Variants in CSMD1 observed in about 807,000 individuals in gnomAD.
The protein encoded by CSMD1 is CUB and sushi domain-containing protein 1.
CSMD1 carries 213 observed loss-of-function variants against 417.5 expected under a neutral mutation model. That is an observed-to-expected ratio of 0.51 (90% CI 0.46 to 0.57). The LOEUF (loss-of-function observed/expected upper bound fraction) is 0.57, where lower values mean the gene tolerates loss of function less well. Ranked by LOEUF, CSMD1 falls within the 20% of genes least tolerant of loss-of-function variation. The pLI, the probability that CSMD1 is intolerant of heterozygous loss-of-function variation, is 0.00. For synonymous variants in CSMD1, 2,862 were observed against 1,736.8 expected, an observed-to-expected ratio of 1.65 and a Z score of -16.11; for missense variants, 6,923 against 4,529.7, an observed-to-expected ratio of 1.53 and a Z score of -15.17.
chr8:2,940,891 T>C (rs1256776038), intron 69 of CSMD1, among the ~76,000 whole-genome samples: 1 of 152,186 alleles, frequency 6.6e-6, no homozygotes, highest in Admixed American at 6.5e-5. Context: ...AGTTCCTACA[T>C]ATGTGTCTCT....
At chr8:4,612,547 C>A (rs1205508103) in intron 2 of CSMD1, among the ~76,000 whole-genome samples, 1 of 152,124 alleles carries the variant, frequency 6.6e-6, no homozygotes, top group Non-Finnish European at 1.5e-5. Flanking sequence ...TTTCTCCACA[C>A]CGAGGAACTG....
chr8:4,512,458 A>G (rs1563245652), intron 2 of CSMD1, among the ~76,000 whole-genome samples: 1 of 152,180 alleles, frequency 6.6e-6, no homozygotes, highest in Non-Finnish European at 1.5e-5. Flanking sequence ...AATAAATGGA[A>G]TACAGATAGA....
chr8:4,928,868 G>T (rs775428789), intron 1 of CSMD1, among the ~76,000 whole-genome samples: 1 of 152,028 alleles, frequency 6.6e-6, no homozygotes, highest in Non-Finnish European at 1.5e-5. Flanking sequence ...TTGGGAGTTC[G>T]AGACCAGCCT....
At chr8:3,664,268 G>C (rs888328074) in intron 7 of CSMD1, among the ~76,000 whole-genome samples, 5 of 150,900 alleles carry the variant, frequency 3.3e-5, no homozygotes, top group South Asian at 4.1e-4. Flanking sequence ...CCACCTATGA[G>C]AGAGAACATG....
At chr8:4,921,859 A>T (rs1806519842) in intron 1 of CSMD1, among the ~76,000 whole-genome samples, 1 of 152,198 alleles carries the variant, frequency 6.6e-6, no homozygotes. Flanking sequence ...ATCTGAGAGA[A>T]AACCCAAGAG....
chr8:4,376,388 A>G (rs907220372), intron 3 of CSMD1, among the ~76,000 whole-genome samples: 26 of 152,140 alleles, frequency 1.7e-4, no homozygotes, highest in African/African-American at 5.8e-4. Flanking sequence ...ACCATATGTA[A>G]CCCGTGCTGT....
intron 18 of CSMD1, among the ~76,000 whole-genome samples, chr8:3,372,056 C>T (rs946073671): frequency 6.6e-6 from 1 of 152,074 alleles, no homozygotes; most frequent in Admixed American, 6.5e-5. Context: ...CCTGTAACAA[C>T]ATAAAAGGCA....
rs1380813236 is a variant in CSMD1 at position 4,820,475 on chromosome 8, A to G, written c.85+173857T>C. On this transcript the variant is annotated intron_variant, in intron 1 of 69. Transcript: ENST00000635120. ...ACTGGTTTTCCTGTCAATGTTAACA[A>G]AAAGCCTACCAAAGAGCCATAAGGA... 4.6e-5 allele frequency among the ~76,000 whole-genome samples: 7 copies of G among 152,312 alleles called. No individual in the cohort carries two copies. In the East Asian group the frequency reaches 1.4e-3, roughly 29 times the overall value.
At chr8:4,322,984 CA>C (rs1430438012) in intron 3 of CSMD1, among the ~76,000 whole-genome samples, 3 of 152,258 alleles carry the variant, frequency 2.0e-5, no homozygotes, top group Admixed American at 2.0e-4. Flanking sequence ...GACTCCGTCT[CA>C]AAAAACTACA....
intron 3 of CSMD1, among the ~76,000 whole-genome samples, chr8:4,224,888 T>C (rs981082109): frequency 3.9e-5 from 4 of 101,574 alleles, no homozygotes; most frequent in Non-Finnish European, 8.0e-5. Context: ...GGCAGGTGGA[T>C]CATTTGAGGT....
intron 2 of CSMD1, among the ~76,000 whole-genome samples, chr8:4,463,667 A>G (rs979761668): frequency 8.5e-5 from 13 of 152,170 alleles, no homozygotes; most frequent in African/African-American, 3.1e-4. Flanking sequence ...ATTTTGTACC[A>G]TTGCACTTAC....
rs1168863195 is a variant in CSMD1 at position 4,643,933 on chromosome 8, G to A, written c.86-6375C>T. On this transcript the variant is annotated intron_variant, in intron 1 of 69. Transcript: ENST00000635120. ...AAGCCTGATGATTCTCAGATCACCT[G>A]GAGCTACTGACATCAGCCACTCTGG... Among the ~76,000 whole-genome samples the A allele has an allele frequency of 2.6e-4, 39 of 152,188 alleles. 1 individual carries two copies. Among genetic ancestry groups the A allele is most frequent in the Admixed American group, 2.5e-3 (38 of 15,284 alleles).
chr8:4,183,609 T>C (rs190972302), intron 3 of CSMD1, among the ~76,000 whole-genome samples: 3 of 152,228 alleles, frequency 2.0e-5, no homozygotes, highest in Non-Finnish European at 2.9e-5. Context: ...TGAACTTTTT[T>C]AAAATGATTC....
intron 2 of CSMD1, among the ~76,000 whole-genome samples, chr8:4,473,467 T>C (rs1008244163): frequency 8.5e-5 from 13 of 152,160 alleles, no homozygotes; most frequent in Middle Eastern, 3.2e-3. Context: ...TTTCACAAAG[T>C]AATACCCAGT....
intron 1 of CSMD1, among the ~76,000 whole-genome samples, chr8:4,889,475 A>G (rs1310414920): frequency 2.0e-5 from 3 of 152,088 alleles, no homozygotes; most frequent in Admixed American, 6.5e-5. Flanking sequence ...TTTTTTATTA[A>G]CATTATTTTC....
chr8:3,521,434 C>G (rs552208614), intron 10 of CSMD1, among the ~76,000 whole-genome samples: 2 of 152,290 alleles, frequency 1.3e-5, no homozygotes, highest in East Asian at 3.9e-4. Context: ...CTTGAGCAAG[C>G]TAGGAAGCTC....
At chr8:3,746,600 C>T (rs544216671) in intron 6 of CSMD1, among the ~76,000 whole-genome samples, 1 of 152,144 alleles carries the variant, frequency 6.6e-6, no homozygotes, top group African/African-American at 2.4e-5. Flanking sequence ...GATTTTTATT[C>T]ATTAATTTAA....
At chr8:3,135,464 GC>G in intron 41 of CSMD1, among the ~76,000 whole-genome samples, 1 of 142,926 alleles carries the variant, frequency 7.0e-6, no homozygotes, top group African/African-American at 2.6e-5. Context: ...CTGTGAACCG[GC>G]TTCTTCCCCT....
chr8:3,482,709 A>T (rs2117250694), intron 11 of CSMD1, among the ~76,000 whole-genome samples: 1 of 152,336 alleles, frequency 6.6e-6, no homozygotes, highest in South Asian at 2.1e-4. Context: ...AGCTGACAAA[A>T]GATAAATCAC....
Sources: allele counts gnomAD v4.1 joint callset (sites outside exome capture counted in the v4.1 genomes callset), GRCh38; gene constraint gnomAD v4.1.1; transcripts MANE v1.5; gene names NCBI Gene and HGNC (gene_info 2026-07-23, HGNC 2026-07-21).